Variants in DZIP1L observed in about 807,000 individuals in gnomAD.
The protein encoded by DZIP1L is DAZ interacting zinc finger protein 1 like.
DZIP1L carries 90 observed loss-of-function variants against 88.7 expected under a neutral mutation model. That is an observed-to-expected ratio of 1.02 (90% CI 0.86 to 1.21). The LOEUF (loss-of-function observed/expected upper bound fraction) is 1.21. Among genes scored for constraint, DZIP1L ranks in the 50% most tolerant of loss-of-function variants. The pLI, the probability that DZIP1L is intolerant of heterozygous loss-of-function variation, is 0.00. For missense variants in DZIP1L, 932 were observed against 955.8 expected (o/e 0.98, Z 0.33); for synonymous variants, 363 against 372.1 (o/e 0.98, Z 0.28).
In DZIP1L at chr3:138,088,396, C is replaced by T. The variant is rs1178695870; in HGVS notation, c.982G>A (p.Glu328Lys). Residue 328 changes from glutamate to lysine, a missense_variant, in exon 6 of 16, where the codon GAG (glutamate) becomes AAG (lysine). Transcript: ENST00000327532. ...CAGCTCACCTGAATTTCTGTCTTCTCTCTCAGGGCCTGAAGCTCCCGTGCC... is the reference window on the plus strand; with the variant it reads ...CAGCTCACCTGAATTTCTGTCTTCTTTCTCAGGGCCTGAAGCTCCCGTGCC... ...RQARELQALR[E>K]KTEIQKTEWK... 7 of 1,612,714 alleles carry T rather than the reference C, an allele frequency of 4.3e-6. No homozygotes were observed. In the Admixed American group the frequency reaches 8.4e-5, roughly 19 times the overall value.
At chr3:138,098,438 C>A (rs1012134961) in intron 2 of DZIP1L, among the ~76,000 whole-genome samples, 2 of 152,208 alleles carry the variant, frequency 1.3e-5, no homozygotes, top group African/African-American at 4.8e-5. Context: ...AGCAAATAAA[C>A]AGCATCTGTA....
At chr3:138,069,419 C>A (rs921194711) in intron 12 of DZIP1L, among the ~76,000 whole-genome samples, 2 of 152,132 alleles carry the variant, frequency 1.3e-5, no homozygotes, top group Non-Finnish European at 2.9e-5. Flanking sequence ...AAAAGTTACA[C>A]GCAAATTTTC....
At chr3:138,102,353 C>A (rs1224278667) in intron 2 of DZIP1L, 1 of 1,195,260 alleles carries the variant, frequency 8.4e-7, no homozygotes, top group Non-Finnish European at 1.2e-6. Context: ...TATTCTCCAT[C>A]TTTGTATGCT....
intron 5 of DZIP1L, among the ~76,000 whole-genome samples, chr3:138,090,262 C>T (rs924789022): frequency 2.0e-5 from 3 of 152,178 alleles, no homozygotes; most frequent in African/African-American, 7.2e-5. Context: ...ATTATGTCCT[C>T]ATTCACCAAA....
intron 4 of DZIP1L, among the ~76,000 whole-genome samples, chr3:138,092,955 T>C (rs556179861): frequency 4.6e-5 from 7 of 152,270 alleles, no homozygotes; most frequent in African/African-American, 1.7e-4. Context: ...CTAGAATCAA[T>C]TTCATCCAAA....
chr3:138,094,454 G>A (rs1192397894), intron 4 of DZIP1L, among the ~76,000 whole-genome samples: 2 of 152,180 alleles, frequency 1.3e-5, no homozygotes, highest in African/African-American at 4.8e-5. Flanking sequence ...GGGATGAGCA[G>A]GGCAACTTCA....
In DZIP1L at chr3:138,068,206, G is replaced by A. The variant is rs771373191; in HGVS notation, c.1777C>T (p.Arg593Cys). ...CTGGAGGGTCCATGCAGTCCGGGGC[G>A]TGGAGCGGGGGCGGACACCTGGGTC... ...SLTQVSAPAP[R>C]PGLHGPSSTP... Residue 593 changes from arginine (R) to cysteine (C), a missense_variant, in exon 13 of 16, where the codon CGC (arginine) becomes TGC (cysteine). Arg to Cys is a radical substitution (Grantham distance 180). Transcript: ENST00000327532. The A allele has an allele frequency of 5.0e-6, 8 of 1,590,372 alleles. No individual in the cohort carries two copies. The Admixed American group carries it at 7.0e-5, about 14-fold the overall frequency.
intron 7 of DZIP1L, among the ~76,000 whole-genome samples, chr3:138,086,023 C>T (rs183258912): frequency 1.1e-4 from 17 of 151,914 alleles, no homozygotes; most frequent in African/African-American, 4.1e-4. Context: ...AACCAAACAC[C>T]GCATGTTCTC....
At position 138,107,790 on chromosome 3, in the gene DZIP1L, C is replaced by G. The variant is rs2042538738; in HGVS notation, c.-81-3738G>C. Among the ~76,000 whole-genome samples the G allele has an allele frequency of 2.0e-5, 3 of 152,310 alleles. No homozygotes were observed. In the South Asian group the frequency reaches 6.2e-4, roughly 32 times the overall value. On this transcript the variant is annotated intron_variant, in intron 1 of 15. Coordinates refer to ENST00000327532, the MANE Select transcript of DZIP1L (RefSeq NM_173543.3). ...GGGCTATGGAGCCATATTAACCACA[C>G]AGCTGCTCCCCACCCTGGAGCTCAG...
At chr3:138,080,712 A>G in intron 9 of DZIP1L, 92 bp from the exon 10 acceptor site, 1 of 1,364,238 alleles carries the variant, frequency 7.3e-7, no homozygotes, top group Non-Finnish European at 1.0e-6. Flanking sequence ...AGTATGAGCC[A>G]GAAAGAGAAA....
At chr3:138,068,411 G>A (rs1943017145) in intron 12 of DZIP1L, 44 bp from the exon 13 acceptor site, 3 of 1,412,200 alleles carry the variant, frequency 2.1e-6, no homozygotes, top group Non-Finnish European at 1.9e-6. Context: ...CACCCATGCT[G>A]GATCTCAAGC....
intron 9 of DZIP1L, among the ~76,000 whole-genome samples, chr3:138,080,995 G>GGGTCTCCATCCCTCAAGAA (rs1217937015): frequency 6.6e-6 from 1 of 152,200 alleles, no homozygotes; most frequent in Non-Finnish European, 1.5e-5. Context: ...TCCCTCAAGA[G>GGGTCTCCATCCCTCAAGAA]GGTCTCCATC....
At chr3:138,100,736 C>T (rs1467633544) in intron 2 of DZIP1L, among the ~76,000 whole-genome samples, 1 of 152,202 alleles carries the variant, frequency 6.6e-6, no homozygotes, top group South Asian at 2.1e-4. Flanking sequence ...GTAACCCATC[C>T]ATCCGTAAAC....
rs371231885 is a variant in DZIP1L, at chr3:138,062,759, G to A, written c.*57C>T. The A allele has an allele frequency of 1.9e-4, 296 of 1,591,258 alleles. 4 individuals carry two copies. The South Asian group carries it at 3.2e-3, about 17-fold the overall frequency. ...GCCCAGCAGCCTCTTCTGTTGAAGT[G>A]GACCTGAGCTGGCCCCAGCCAGGCT... On this transcript the variant is annotated 3_prime_UTR_variant, in exon 16 of 16. Coordinates refer to ENST00000327532, the MANE Select transcript of DZIP1L (RefSeq NM_173543.3).
intron 7 of DZIP1L, among the ~76,000 whole-genome samples, chr3:138,085,888 A>T (rs1464155117): frequency 6.6e-6 from 1 of 152,248 alleles, no homozygotes; most frequent in African/African-American, 2.4e-5. Context: ...CTGGATTAAG[A>T]AAATGTGGCA....
intron 3 of DZIP1L, among the ~76,000 whole-genome samples, chr3:138,095,777 G>A (rs894816631): frequency 3.3e-5 from 5 of 151,728 alleles, no homozygotes; most frequent in African/African-American, 9.7e-5. Flanking sequence ...GCGAGACTCT[G>A]TCTCAATAAA....
chr3:138,085,325 C>T (rs1327612695), intron 7 of DZIP1L, among the ~76,000 whole-genome samples: 1 of 152,086 alleles, frequency 6.6e-6, no homozygotes, highest in African/African-American at 2.4e-5. Flanking sequence ...AGGCAACCTA[C>T]AAAATGGGAG....
chr3:138,101,679 GC>G (rs1435164269), intron 2 of DZIP1L: 1 of 800,074 alleles, frequency 1.2e-6, no homozygotes, highest in Non-Finnish European at 2.2e-6. Flanking sequence ...CACCTGCATA[GC>G]CGCTGGTGGT....
At chr3:138,084,536 A>G (rs1943833590) in intron 7 of DZIP1L, among the ~76,000 whole-genome samples, 1 of 152,220 alleles carries the variant, frequency 6.6e-6, no homozygotes, top group Admixed American at 6.5e-5. Flanking sequence ...AAAATCATCA[A>G]ATGGATGTTT....
Sources: gnomAD v4.1 joint callset for allele counts (sites outside exome capture counted in the v4.1 genomes callset) on GRCh38, gnomAD v4.1.1 for gene constraint, MANE v1.5 for transcripts, NCBI Gene and HGNC (gene_info 2026-07-23, HGNC 2026-07-21) for gene names.